MAML3: variants seen among roughly 807,000 people sequenced by gnomAD.
MAML3 encodes mastermind like transcriptional coactivator 3.
MAML3 carries 27 observed loss-of-function variants against 101.9 expected under a neutral mutation model. The observed-to-expected ratio is 0.27, with a 90% CI of 0.20 to 0.37. The LOEUF is 0.37. Ranked by LOEUF, MAML3 falls within the 10% of genes least tolerant of loss-of-function variation. The pLI is 1.00. For missense variants in MAML3, 1,316 were observed against 1,444.9 expected (o/e 0.91, Z 1.45); for synonymous variants, 501 against 555.9 (o/e 0.90, Z 1.39).
intron 1 of MAML3, among the ~76,000 whole-genome samples, chr4:140,071,785 G>GAGAGAGAGAGAC (rs1201777228): frequency 6.6e-6 from 1 of 151,140 alleles, no homozygotes; most frequent in Non-Finnish European, 1.5e-5. Context: ...GAGAGAGAGA[G>GAGAGAGAGAGAC]AGAAGGCACG....
intron 2 of MAML3, among the ~76,000 whole-genome samples, chr4:139,744,407 C>A (rs1729258749): frequency 6.6e-6 from 1 of 152,134 alleles, no homozygotes. Context: ...ATATGATATA[C>A]CACCCCCCAG....
At chr4:140,089,083 T>C (rs768836896) in intron 1 of MAML3, among the ~76,000 whole-genome samples, 2 of 152,190 alleles carry the variant, frequency 1.3e-5, no homozygotes, top group African/African-American at 2.4e-5. Context: ...AAAGAAATTA[T>C]TGTAAACACA....
At chr4:139,832,030 T>G (rs577594738) in intron 2 of MAML3, among the ~76,000 whole-genome samples, 31 of 150,066 alleles carry the variant, frequency 2.1e-4, no homozygotes, top group African/African-American at 7.3e-4. Flanking sequence ...CCTGACTTCG[T>G]GATCCACCCA....
chr4:140,143,148 A>G (rs148923298), intron 1 of MAML3, among the ~76,000 whole-genome samples: 2 of 152,240 alleles, frequency 1.3e-5, no homozygotes, highest in African/African-American at 4.8e-5. Flanking sequence ...ACCATTTCAT[A>G]AAACTAATTT....
intron 2 of MAML3, chr4:139,740,268 G>T (rs149622462): frequency 6.6e-6 from 1 of 152,224 alleles, no homozygotes; most frequent in East Asian, 1.9e-4. Flanking sequence ...TCAAGAACTC[G>T]AGAGGTGGGT....
chr4:140,091,529 CAACAAAACAAA>C lies in MAML3; in HGVS notation c.468+61320_468+61330del, dbSNP rs1184427679. ...ATGATTAGTGTAAAACAAAACAAAA[CAACAAAACAAA>C]AACAAAACAAAAAAAAAAAACAGGA... On this transcript the variant is annotated intron_variant, in intron 1 of 4. Transcript: ENST00000509479. 4.0e-3 allele frequency among the ~76,000 whole-genome samples: 85 copies of C among 21,480 alleles called. 3 individuals carry two copies. The highest frequency in any genetic ancestry group is 8.9e-3 in the Admixed American group (11 of 1,236). The allele number at this position is 21,480 out of a possible 152,430, so 14.1% of individuals were successfully genotyped here.
intron 2 of MAML3, among the ~76,000 whole-genome samples, chr4:139,791,225 G>A (rs1371587877): frequency 1.3e-5 from 2 of 152,172 alleles, no homozygotes; most frequent in African/African-American, 4.8e-5. Flanking sequence ...CGCTGGGTAT[G>A]GTGGCTTACG....
intron 2 of MAML3, among the ~76,000 whole-genome samples, chr4:139,793,248 C>A (rs1454203286): frequency 1.3e-5 from 2 of 152,170 alleles, no homozygotes; most frequent in Non-Finnish European, 1.5e-5. Context: ...ATCAACCCAA[C>A]CTGCTTACAT....
At chr4:140,093,448 G>A (rs1476301892) in intron 1 of MAML3, among the ~76,000 whole-genome samples, 3 of 136,414 alleles carry the variant, frequency 2.2e-5, no homozygotes, top group Non-Finnish European at 3.1e-5. Flanking sequence ...ACAGAGTCTC[G>A]CTCTGTCGCC....
rs1730143819 is a variant in MAML3 at position 139,778,937 on chromosome 4, G to A, written c.2080-48270C>T. Among the ~76,000 whole-genome samples, 3 of 150,552 alleles carry A rather than the reference G, an allele frequency of 2.0e-5. No individual in the cohort carries two copies. The South Asian group carries it at 6.3e-4, about 32-fold the overall frequency. On this transcript the variant is annotated intron_variant, in intron 2 of 4. Coordinates refer to ENST00000509479, the MANE Select transcript of MAML3 (RefSeq NM_018717.5). ...GGTGGAGGTTGCAGTGAGCCGAGAT[G>A]GCGCCACTGCATTCCAGCCTGGGTG...
chr4:139,991,606 A>G (rs1295959084), intron 1 of MAML3, among the ~76,000 whole-genome samples: 1 of 152,180 alleles, frequency 6.6e-6, no homozygotes, highest in Non-Finnish European at 1.5e-5. Flanking sequence ...TGAAAATATT[A>G]TTATTGAAGG....
In MAML3 at chr4:139,890,632, G is replaced by A; in HGVS notation, c.804C>T (p.Ile268=). The A allele has an allele frequency of 1.9e-6, 3 of 1,613,968 alleles. No homozygotes were observed. The highest frequency in any genetic ancestry group is 3.3e-4 in the Middle Eastern group (2 of 6,062). The change falls in exon 2 of 5, where the codon ATC becomes ATT. Residue 268 remains isoleucine (I), a synonymous_variant. Coordinates refer to ENST00000509479, the MANE Select transcript of MAML3 (RefSeq NM_018717.5). The surrounding 1 kb of genome is among the most constrained non-coding windows in gnomAD (Gnocchi z 4.1). ...GCSDLEDSFT[I]LQSKDLKQEP... is the part of the protein sequence containing the mutation. ...CTTGTTTGAGGTCTTTGCTCTGCAAGATGGTGAAGCTATCCTCCAGGTCAC... is the reference window on the plus strand; with the variant it reads ...CTTGTTTGAGGTCTTTGCTCTGCAAAATGGTGAAGCTATCCTCCAGGTCAC...
At chr4:140,133,225 T>C (rs1156699212) in intron 1 of MAML3, 1 of 355,678 alleles carries the variant, frequency 2.8e-6, no homozygotes, top group Non-Finnish European at 5.6e-6. Flanking sequence ...AAAATTAGTA[T>C]GTAACTCTTT....
At chr4:140,118,538 G>T (rs185809504) in intron 1 of MAML3, among the ~76,000 whole-genome samples, 10 of 152,186 alleles carry the variant, frequency 6.6e-5, no homozygotes, top group Admixed American at 6.5e-4. Context: ...GATACCAAGA[G>T]TATATAACAT....
intron 1 of MAML3, among the ~76,000 whole-genome samples, chr4:140,119,473 G>A (rs1728568473): frequency 6.6e-6 from 1 of 152,060 alleles, no homozygotes; most frequent in South Asian, 2.1e-4. Context: ...CTGGTTTAGT[G>A]TACCTAAATA....
At chr4:139,864,604 A>G (rs1731853543) in intron 2 of MAML3, among the ~76,000 whole-genome samples, 1 of 128,638 alleles carries the variant, frequency 7.8e-6, no homozygotes. Flanking sequence ...TGAACCTGGG[A>G]GGCGGAGGTT....
At chr4:140,089,623 T>C (rs1428430598) in intron 1 of MAML3, among the ~76,000 whole-genome samples, 2 of 152,218 alleles carry the variant, frequency 1.3e-5, no homozygotes, top group Non-Finnish European at 2.9e-5. Flanking sequence ...AAATGCACAA[T>C]GCTAAGTGAA....
At chr4:139,729,669 T>C (rs985786278) in intron 3 of MAML3, among the ~76,000 whole-genome samples, 7 of 152,168 alleles carry the variant, frequency 4.6e-5, no homozygotes, top group African/African-American at 1.4e-4. Context: ...CCTAGGATAA[T>C]GCTAAGTCAG....
chr4:139,890,184 G>A lies in MAML3; in HGVS notation c.1252C>T (p.Pro418Ser), dbSNP rs777638375. Residue 418 changes from proline (P) to serine (S), a missense_variant, in exon 2 of 5, where the codon CCT (proline) becomes TCT (serine). Pro to Ser is a moderately conservative substitution (Grantham distance 74, BLOSUM62 -1). Transcript: ENST00000509479. The surrounding 1 kb of genome is among the most constrained non-coding windows in gnomAD (Gnocchi z 4.1). Reference sequence around the variant, plus strand: ...GTGTGGGCTTGGTTTGGAGTTTGAGGGGACTGGACAGCACAGTTTGCTGGT... The same window carrying A: ...GTGTGGGCTTGGTTTGGAGTTTGAGAGGACTGGACAGCACAGTTTGCTGGT... Reference protein sequence around the residue: ...SSPANCAVQSPQTPNQAHTPG... With the variant: ...SSPANCAVQSSQTPNQAHTPG... 3 of 1,613,308 alleles carry A rather than the reference G, an allele frequency of 1.9e-6. No homozygotes were observed. The highest frequency in any genetic ancestry group is 3.3e-5 in the Admixed American group (2 of 59,998).
Sources: gnomAD v4.1 joint callset for allele counts (sites outside exome capture counted in the v4.1 genomes callset) on GRCh38, gnomAD v4.1.1 for gene constraint, Gnocchi (gnomAD v3.1) non-coding constraint, MANE v1.5 for transcripts, NCBI Gene and HGNC (gene_info 2026-07-23, HGNC 2026-07-21) for gene names.